Variants in MYH3 observed in about 807,000 individuals in gnomAD.
MYH3 encodes myosin-3.
MYH3 carries 130 observed loss-of-function variants against 238.0 expected under a neutral mutation model. The observed-to-expected ratio is 0.55, with a 90% CI of 0.47 to 0.63. MYH3 has a LOEUF of 0.63. Among genes scored for constraint, MYH3 ranks in the 30% least tolerant of loss-of-function variants. The pLI is 0.00. For synonymous variants in MYH3, 880 were observed against 924.1 expected (o/e 0.95, Z 0.86); for missense variants, 1,853 against 2,374.9 (o/e 0.78, Z 4.57).
In MYH3 at chr17:10,629,701, G is replaced by A. The variant is rs750289236; in HGVS notation, c.5692C>T (p.Arg1898Ter). The change falls in exon 40 of 41, where the codon CGA becomes TGA. Residue 1898 changes from arginine (R) to a stop codon, truncating the protein, a stop_gained. Transcript: ENST00000583535. LOFTEE classifies it high-confidence loss of function. ...TCCTCCAGCTCATGCTGAGCCTTTC[G>A]GAATTTGGTGAGATGAGCATTGGCT... is the stretch of plus-strand genomic sequence containing the variant. The part of the protein sequence containing the change: ...EQANAHLTKF[R>*]KAQHELEEAE... 1.2e-6 allele frequency: 2 copies of A among 1,614,174 alleles called. No homozygotes were observed. The highest frequency in any genetic ancestry group is 1.1e-5 in the South Asian group (1 of 91,082).
In MYH3 at chr17:10,638,054, A is replaced by T. The variant is rs752510156; in HGVS notation, c.3718T>A (p.Ser1240Thr). 59 of 1,613,634 alleles carry T rather than the reference A, an allele frequency of 3.7e-5. 1 individual carries two copies. In the South Asian group the frequency reaches 6.5e-4, roughly 18 times the overall value. The part of the protein sequence containing the change: ...DDLSSSMESV[S>T]KSKANLEKIC... ...ACCCCGCGCAGCACCTTAGATTTCG[A>T]CACACTCTCCATGCTGCTGGAGAGG... Residue 1240 changes from serine (S) to threonine (T), a missense_variant, in exon 27 of 41, where the codon TCG becomes ACG. Ser to Thr is a moderately conservative substitution (Grantham distance 58). Transcript: ENST00000583535.
At chr17:10,640,902 T>A (rs2074264831) in intron 19 of MYH3, among the ~76,000 whole-genome samples, 183 bp downstream of exon 19, 1 of 152,204 alleles carries the variant, frequency 6.6e-6, no homozygotes, top group Admixed American at 6.5e-5. Flanking sequence ...TCAGATAAAT[T>A]CCAGAGAAAA....
intron 40 of MYH3, among the ~76,000 whole-genome samples, chr17:10,629,081 A>T (rs2074124330): frequency 6.6e-6 from 1 of 152,028 alleles, no homozygotes; most frequent in Non-Finnish European, 1.5e-5. Flanking sequence ...ACATAGGTAT[A>T]CATGTGCCAT....
rs1370821026 is a variant in MYH3, at chr17:10,640,160, G to A, written c.2518C>T (p.Leu840Phe). The A allele has an allele frequency of 1.9e-6, 3 of 1,614,158 alleles. No homozygotes were observed. In the East Asian group the frequency reaches 6.7e-5, roughly 36 times the overall value. ...TTCTCAGTCTCTGCACTCTTGAGGA[G>A]GGGCTTGATCTTGAAGAAGAGTTTC... Reference protein sequence around the residue: ...WMKLFFKIKPLLKSAETEKEM... With the variant: ...WMKLFFKIKPFLKSAETEKEM... The change falls in exon 22 of 41, where the codon CTC becomes TTC. Residue 840 changes from leucine (L) to phenylalanine (F), a missense_variant. Leu to Phe is a conservative substitution (Grantham distance 22). Transcript: ENST00000583535.
chr17:10,643,888 G>A (rs1011664892), intron 14 of MYH3, among the ~76,000 whole-genome samples: 4 of 152,170 alleles, frequency 2.6e-5, no homozygotes, highest in African/African-American at 7.2e-5. Context: ...AGCCAGGTGC[G>A]GTGGCTCATG....
In MYH3 at chr17:10,639,793, T is replaced by C. The variant is rs751174665; in HGVS notation, c.2692A>G (p.Asn898Asp). 1 of 1,614,024 alleles carries C rather than the reference T, an allele frequency of 6.2e-7. No individual in the cohort carries two copies. Among genetic ancestry groups the C allele is most frequent in the Non-Finnish European group, 8.5e-7 (1 of 1,180,006 alleles). The stretch of plus-strand genomic sequence containing the variant: ...CATCTTTCCTCAGCATCCAACAAAT[T>C]TTCGCTTTCCTTAAAAAAAAAAGAA... Reference protein sequence around the residue: ...LQLQVQAESENLLDAEERCDQ... With the variant: ...LQLQVQAESEDLLDAEERCDQ... Residue 898 changes from asparagine (N) to aspartate (D), a missense_variant, in exon 23 of 41, where the codon AAT (asparagine) becomes GAT (aspartate). Asn to Asp is a conservative substitution (Grantham distance 23). Coordinates refer to ENST00000583535, the MANE Select transcript of MYH3 (RefSeq NM_002470.4).
intron 1 of MYH3, among the ~76,000 whole-genome samples, chr17:10,656,723 G>C (rs914279158): frequency 1.3e-5 from 2 of 152,094 alleles, no homozygotes; most frequent in African/African-American, 4.8e-5. Context: ...ATTTAGAATC[G>C]GACAGCAGGG....
chr17:10,629,399 T>C (rs1168942745), intron 40 of MYH3, among the ~76,000 whole-genome samples, 198 bp downstream of exon 40: 1 of 152,192 alleles, frequency 6.6e-6, no homozygotes, highest in Non-Finnish European at 1.5e-5. Context: ...ATGGTGTACA[T>C]GTGCAGGATG....
upstream of MYH3, among the ~76,000 whole-genome samples, chr17:10,662,064 C>T (rs2074484587): frequency 6.6e-6 from 1 of 151,838 alleles, no homozygotes; most frequent in Non-Finnish European, 1.5e-5. Context: ...CTCTGTCACC[C>T]AGGCTGGAGT....
At chr17:10,647,010 A>C (rs2074328338) in intron 10 of MYH3, among the ~76,000 whole-genome samples, 172 bp downstream of exon 10, 1 of 152,222 alleles carries the variant, frequency 6.6e-6, no homozygotes, top group African/African-American at 2.4e-5. Context: ...TGCTTGTGCC[A>C]CTGCACCCCA....
chr17:10,662,106 C>T (rs1212822295), upstream of MYH3, among the ~76,000 whole-genome samples: 3 of 151,970 alleles, frequency 2.0e-5, no homozygotes, highest in Non-Finnish European at 2.9e-5. Context: ...ACTACAACCT[C>T]GGCCTCCCAG....
rs1213932275 is a variant in MYH3 at position 10,644,399 on chromosome 17, T to C, written c.1362A>G (p.Arg454=). ...INQQLDTKLP[R]QHFIGVLDIA... is the part of the protein sequence containing the mutation. Reference sequence around the variant, plus strand: ...TGTCCAAAACACCAATGAAGTGTTGTCTTGGAAGCTTCGTATCCAGTTGCT... The same window carrying C: ...TGTCCAAAACACCAATGAAGTGTTGCCTTGGAAGCTTCGTATCCAGTTGCT... Residue 454 remains arginine (R), a synonymous_variant, in exon 14 of 41, where the codon AGA becomes AGG. Transcript: ENST00000583535. 6.2e-7 allele frequency: 1 copy of C among 1,614,028 alleles called. No individual in the cohort carries two copies. The highest frequency in any genetic ancestry group is 1.1e-5 in the South Asian group (1 of 91,084).
At chr17:10,670,696 T>C in the MYH3 span, among the ~76,000 whole-genome samples, 1 of 144,182 alleles carries the variant, frequency 6.9e-6, no homozygotes, top group Admixed American at 7.3e-5. This position sits in a 1 kb window ranked among gnomAD's most constrained non-coding sequence, Gnocchi z 7.0. Flanking sequence ...CACACCACTA[T>C]TATTAATGCC....
At position 10,635,011 on chromosome 17, in the gene MYH3, A is replaced by C. The variant is rs1277735123; in HGVS notation, c.4185T>G (p.Ala1395=). 1 of 1,614,156 alleles carries C rather than the reference A, an allele frequency of 6.2e-7. No homozygotes were observed. Among genetic ancestry groups the C allele is most frequent in the Non-Finnish European group, 8.5e-7 (1 of 1,180,038 alleles). ...GTTCCTCGGAATCTTGAAGGCGCTG[A>C]GCAAGTTTTTTCCTTAAAGAATATG... ...EELEEAKKKL[A]QRLQDSEEQV... Residue 1395 remains alanine, a synonymous_variant, in exon 31 of 41, where the codon GCT becomes GCG. Coordinates refer to ENST00000583535, the MANE Select transcript of MYH3 (RefSeq NM_002470.4).
chr17:10,663,487 G>C, the MYH3 span, among the ~76,000 whole-genome samples: 1 of 152,140 alleles, frequency 6.6e-6, no homozygotes, highest in Admixed American at 6.5e-5. Context: ...CCTCAGCAAG[G>C]GGACAGGAGG....
chr17:10,647,159 A>AGCCC, intron 10 of MYH3, 23 bp downstream of exon 10: 1 of 1,578,234 alleles, frequency 6.3e-7, no homozygotes, highest in Non-Finnish European at 8.7e-7. Context: ...CTAAAAGACC[A>AGCCC]GCCCCACTGG....
chr17:10,648,273 C>T (rs2074342558), intron 8 of MYH3, among the ~76,000 whole-genome samples: 1 of 152,140 alleles, frequency 6.6e-6, no homozygotes, highest in South Asian at 2.1e-4. Context: ...CCTGTCATTT[C>T]AAGTTGGGCT....
chr17:10,649,534 G>C, intron 7 of MYH3, 43 bp downstream of exon 7: 1 of 1,505,554 alleles, frequency 6.6e-7, no homozygotes, highest in Non-Finnish European at 9.3e-7. Context: ...TAAGACCACA[G>C]TTAAAAGTGG....
At chr17:10,671,567 G>A in the MYH3 span, among the ~76,000 whole-genome samples, 4 of 144,690 alleles carry the variant, frequency 2.8e-5, no homozygotes, top group South Asian at 4.3e-4. Context: ...CTTTTTCTCA[G>A]GGTCATTTTT....
Sources: allele counts gnomAD v4.1 joint callset (sites outside exome capture counted in the v4.1 genomes callset), GRCh38; gene constraint gnomAD v4.1.1; non-coding constraint Gnocchi (gnomAD v3.1); transcripts MANE v1.5; gene names NCBI Gene and HGNC (gene_info 2026-07-23, HGNC 2026-07-21).